ALS2CL: variants seen among roughly 807,000 people sequenced by gnomAD.
The protein encoded by ALS2CL is ALS2 C-terminal-like protein.
A neutral mutation model predicts 127.9 loss-of-function variants in ALS2CL; 112 were observed. The ratio of observed to expected loss-of-function variants is 0.88; its 90% CI spans 0.75 to 1.02. ALS2CL has a LOEUF of 1.02. Among genes scored for constraint, ALS2CL ranks in the 50% least tolerant of loss-of-function variants. ALS2CL has a pLI of 0.00. For missense variants in ALS2CL, 1,174 were observed against 1,236.7 expected, an observed-to-expected ratio of 0.95 and a Z score of 0.76; for synonymous variants, 519 against 527.6, an observed-to-expected ratio of 0.98 and a Z score of 0.22.
intron 15 of ALS2CL, 152 bp from the exon 16 acceptor site, chr3:46,678,541 G>T: frequency 9.0e-7 from 1 of 1,105,222 alleles, no homozygotes. Context: ...CCATGCTGAG[G>T]GGTTCATAAT....
chr3:46,680,509 C>G lies in ALS2CL; in HGVS notation c.1469G>C (p.Gly490Ala). 1.2e-6 allele frequency: 2 copies of G among 1,613,070 alleles called. No individual in the cohort carries two copies. Among genetic ancestry groups the G allele is most frequent in the South Asian group, 1.1e-5 (1 of 91,084 alleles). ...GERYIGMWQA[G>A]QRHGPGVMVT... ...CATGACCCCTGGGCCGTGGCGCTGACCAGCCTGCCACATGCCAATGTAGCG... is the reference window on the plus strand; with the variant it reads ...CATGACCCCTGGGCCGTGGCGCTGAGCAGCCTGCCACATGCCAATGTAGCG... The change falls in exon 14 of 26, where the codon GGT becomes GCT. Residue 490 changes from glycine to alanine, a missense_variant. By Grantham distance (60) the Gly-to-Ala change is moderately conservative (BLOSUM62 0). Coordinates refer to ENST00000318962, the MANE Select transcript of ALS2CL (RefSeq NM_147129.5).
Position 46,685,551 on chromosome 3 carries a change from A to G in ALS2CL, c.760T>C (p.Phe254Leu), listed in dbSNP as rs748693093. Residue 254 changes from phenylalanine (F) to leucine (L), a missense_variant, in exon 7 of 26, where the codon TTT becomes CTT. Transcript: ENST00000318962. ...TGCAGCAGGACGAGGGCATCATCAA[A>G]GAGCAGCACACGCTCAGCCCGCAAC... Reference protein sequence around the residue: ...APLRAERVLLFDDALVLLQGH... With the variant: ...APLRAERVLLLDDALVLLQGH... 3.7e-6 allele frequency: 6 copies of G among 1,614,006 alleles called. No individual in the cohort carries two copies. The highest frequency in any genetic ancestry group is 4.2e-6 in the Non-Finnish European group (5 of 1,179,912).
intron 1 of ALS2CL, among the ~76,000 whole-genome samples, chr3:46,690,313 G>C (rs1419389919): frequency 6.6e-6 from 1 of 152,228 alleles, no homozygotes; most frequent in Non-Finnish European, 1.5e-5. Flanking sequence ...GACCCTCCAT[G>C]GTCCCCTAAC....
At chr3:46,687,579 C>T in intron 4 of ALS2CL, 40 bp downstream of exon 4, 1 of 1,606,978 alleles carries the variant, frequency 6.2e-7, no homozygotes, top group African/African-American at 1.3e-5. Context: ...CTCAGGCACT[C>T]CCACCCTGTC....
chr3:46,693,164 C>T (rs1370114492), intron 1 of ALS2CL, among the ~76,000 whole-genome samples: 1 of 152,260 alleles, frequency 6.6e-6, no homozygotes, highest in Non-Finnish European at 1.5e-5. Flanking sequence ...AAGCACCCCT[C>T]CCTGCTGTCG....
At position 46,686,717 on chromosome 3, in the gene ALS2CL, C is replaced by T. The variant is rs1003321236; in HGVS notation, c.534+266G>A. 6.6e-5 allele frequency among the ~76,000 whole-genome samples: 10 copies of T among 152,088 alleles called. No individual in the cohort carries two copies. Among genetic ancestry groups the T allele is most frequent in the African/African-American group, 2.4e-4 (10 of 41,392 alleles). On this transcript the variant is annotated intron_variant, in intron 5 of 25. Transcript: ENST00000318962. The surrounding 1 kb of genome is among the most constrained non-coding windows in gnomAD (Gnocchi z 4.3). ...GGGCAGGGCCACGTGCCTCAGACAC[C>T]GCAGGGAAGGGCAGTGCTTTCACCC...
chr3:46,683,680 C>A (rs528737892), intron 9 of ALS2CL, 102 bp downstream of exon 9: 5 of 1,417,472 alleles, frequency 3.5e-6, no homozygotes, highest in Middle Eastern at 2.2e-4. Context: ...GCCAGACACT[C>A]GCCGGCACTC....
chr3:46,686,549 T>G lies in ALS2CL; in HGVS notation c.535-110A>C, dbSNP rs923573319. ...CTGAATCTAGGCCAGACCTTGCCCT[T>G]CTCTCCCTGACAGCTCCTCTTCTGC... is the stretch of plus-strand genomic sequence containing the variant. On this transcript the variant is annotated intron_variant, in intron 5 of 25. Transcript: ENST00000318962. The surrounding 1 kb of genome is among the most constrained non-coding windows in gnomAD (Gnocchi z 4.3). 8.1e-5 allele frequency: 115 copies of G among 1,418,116 alleles called. No individual in the cohort carries two copies. Among genetic ancestry groups the G allele is most frequent in the Non-Finnish European group, 1.1e-4 (112 of 1,053,778 alleles). 87.8% of individuals were successfully genotyped at this position (1,418,116 alleles called of 1,614,324 possible).
At chr3:46,674,874 C>G in intron 20 of ALS2CL, 135 bp from the exon 21 acceptor site, 1 of 838,918 alleles carries the variant, frequency 1.2e-6, no homozygotes, top group Admixed American at 3.5e-5. Flanking sequence ...CCCAGAAAAC[C>G]TTTTCCAAGC....
Position 46,681,614 on chromosome 3 carries a change from T to A in ALS2CL, c.1176-16A>T. ...GATGCCGAAGCTGACAGCATGGTTG[T>A]GGGGGTGGGGATCAGCCCTGACCTG... On this transcript the variant is annotated splice_polypyrimidine_tract_variant and intron_variant, in intron 11 of 25. Coordinates refer to ENST00000318962, the MANE Select transcript of ALS2CL (RefSeq NM_147129.5). The surrounding 1 kb of genome is among the most constrained non-coding windows in gnomAD (Gnocchi z 4.9). 2.5e-6 allele frequency: 4 copies of A among 1,613,646 alleles called. No individual in the cohort carries two copies. The highest frequency in any genetic ancestry group is 3.4e-6 in the Non-Finnish European group (4 of 1,179,682).
chr3:46,676,459 A>C (rs1310670623), intron 18 of ALS2CL, 57 bp from the exon 19 acceptor site: 3 of 1,606,152 alleles, frequency 1.9e-6, no homozygotes, highest in Admixed American at 3.3e-5. Flanking sequence ...GGAGCACAGC[A>C]TGCCCACACC....
intron 16 of ALS2CL, chr3:46,677,237 C>A: frequency 7.2e-7 from 1 of 1,391,240 alleles, no homozygotes; most frequent in Non-Finnish European, 9.3e-7. Flanking sequence ...TACCCTGCGA[C>A]GAGAAGACAG....
chr3:46,687,154 T>G lies in ALS2CL; in HGVS notation c.369-6A>C. 1.3e-6 allele frequency: 2 copies of G among 1,556,880 alleles called. No homozygotes were observed. The highest frequency in any genetic ancestry group is 1.7e-6 in the Non-Finnish European group (2 of 1,157,972). On this transcript the variant is annotated splice_region_variant and splice_polypyrimidine_tract_variant and intron_variant, in intron 4 of 25. Transcript: ENST00000318962. ...GCTGGCCCCGCCAGTACTCGCTGCG[T>G]GTAGAGAGGGCCACGCACCACCTTC...
In ALS2CL at chr3:46,681,985, C is replaced by T; in HGVS notation, c.1175+44G>A. Reference sequence around the variant, plus strand: ...CACAGCAGGGGAGGAAAGCACCCTTCAGCCCACTGCACGCCTCCCAGCAGT... The same window carrying T: ...CACAGCAGGGGAGGAAAGCACCCTTTAGCCCACTGCACGCCTCCCAGCAGT... On this transcript the variant is annotated intron_variant, in intron 11 of 25. Coordinates refer to ENST00000318962, the MANE Select transcript of ALS2CL (RefSeq NM_147129.5). The surrounding 1 kb of genome is among the most constrained non-coding windows in gnomAD (Gnocchi z 4.9). The T allele has an allele frequency of 1.2e-6, 2 of 1,604,202 alleles. No homozygotes were observed. Among genetic ancestry groups the T allele is most frequent in the Non-Finnish European group, 8.5e-7 (1 of 1,173,668 alleles).
intron 7 of ALS2CL, among the ~76,000 whole-genome samples, chr3:46,685,021 C>T: frequency 6.6e-6 from 1 of 152,148 alleles, no homozygotes; most frequent in East Asian, 1.9e-4. Context: ...GTAACAATTC[C>T]CAGCCTCAGG....
intron 25 of ALS2CL, 137 bp from the exon 26 acceptor site, chr3:46,671,201 C>T: frequency 9.5e-7 from 1 of 1,054,582 alleles, no homozygotes; most frequent in Non-Finnish European, 1.4e-6. Flanking sequence ...CCCTCAGCCA[C>T]AGTCTGCGAG....
intron 19 of ALS2CL, chr3:46,675,887 A>G (rs1446272178): frequency 2.1e-6 from 3 of 1,443,104 alleles, no homozygotes; most frequent in Non-Finnish European, 2.7e-6. Flanking sequence ...AAGGAACTAT[A>G]GCATCTAAGG....
chr3:46,682,045 G>A lies in ALS2CL; in HGVS notation c.1159C>T (p.Gln387Ter), dbSNP rs1341707877. The A allele has an allele frequency of 6.2e-7, 1 of 1,613,942 alleles. No individual in the cohort carries two copies. The highest frequency in any genetic ancestry group is 1.7e-5 in the Admixed American group (1 of 59,990). ...DGRNHVGNFCQGLEHGFGIRL... is the reference protein window; with the variant it reads ...DGRNHVGNFC Reference sequence around the variant, plus strand: ...CAGCCTTACCCATGCTCCAGGCCCTGGCAGAAATTCCCCACGTGATTCCGC... The same window carrying A: ...CAGCCTTACCCATGCTCCAGGCCCTAGCAGAAATTCCCCACGTGATTCCGC... The change falls in exon 11 of 26, where the codon CAG becomes TAG. Residue 387 changes from glutamine to a stop codon, truncating the protein, a stop_gained. Transcript: ENST00000318962. LOFTEE classifies it high-confidence loss of function.
At chr3:46,691,512 C>T (rs1307410338) in intron 1 of ALS2CL, among the ~76,000 whole-genome samples, 4 of 152,010 alleles carry the variant, frequency 2.6e-5, no homozygotes, top group Admixed American at 6.5e-5. Flanking sequence ...GAGATAGCCT[C>T]TCCTCCTCAG....
Sources: allele counts gnomAD v4.1 joint callset (sites outside exome capture counted in the v4.1 genomes callset), GRCh38; gene constraint gnomAD v4.1.1; non-coding constraint Gnocchi (gnomAD v3.1); transcripts MANE v1.5; gene names NCBI Gene and HGNC (gene_info 2026-07-23, HGNC 2026-07-21).